NFATC1: variants seen among roughly 807,000 people sequenced by gnomAD.
The protein encoded by NFATC1 is nuclear factor of activated T cells 1, also known as nuclear factor of activated T-cells, cytoplasmic 1.
A neutral mutation model predicts 76.0 loss-of-function variants in NFATC1; 22 were observed. The ratio of observed to expected loss-of-function variants is 0.29; its 90% CI spans 0.21 to 0.41. The LOEUF (loss-of-function observed/expected upper bound fraction) is 0.41. NFATC1 is among the 10% of genes least tolerant of loss of function. The pLI is 1.00. For synonymous variants in NFATC1, 704 were observed against 613.1 expected, an observed-to-expected ratio of 1.15 and a Z score of -2.19; for missense variants, 1,357 against 1,337.7, an observed-to-expected ratio of 1.01 and a Z score of -0.23.
intron 9 of NFATC1, among the ~76,000 whole-genome samples, chr18:79,513,854 G>A (rs1311342600): frequency 5.9e-5 from 9 of 152,202 alleles, no homozygotes; most frequent in Non-Finnish European, 1.2e-4. Context: ...GCTGTGCCAT[G>A]TGCATGCCCA....
At chr18:79,437,371 C>CAAGCAG (rs1325719738) in intron 3 of NFATC1, among the ~76,000 whole-genome samples, 1 of 152,180 alleles carries the variant, frequency 6.6e-6, no homozygotes, top group Non-Finnish European at 1.5e-5. Context: ...CAGGGAGTGA[C>CAAGCAG]CAGCAGCGCA....
intron 9 of NFATC1, among the ~76,000 whole-genome samples, chr18:79,490,359 T>C (rs2089643043): frequency 6.9e-6 from 1 of 144,524 alleles, no homozygotes; most frequent in Non-Finnish European, 1.5e-5. Context: ...TGGGGTGGTC[T>C]CTGGTGCAGG....
rs1463483294 is a variant in NFATC1 at position 79,465,815 on chromosome 18, C to CG, written c.1960-1632dup. ...CCCGTACAAATGCCGAGACAGGCTCCGGGTGGCCAGAGCTTCCCGGGTCAG... is the reference window on the plus strand; with the variant it reads ...CCCGTACAAATGCCGAGACAGGCTCCGGGGTGGCCAGAGCTTCCCGGGTCAG... On this transcript the variant is annotated intron_variant, in intron 7 of 9. Coordinates refer to ENST00000427363, the MANE Select transcript of NFATC1 (RefSeq NM_001278669.2). The surrounding 1 kb of genome is among the most constrained non-coding windows in gnomAD (Gnocchi z 4.2). 6.6e-6 allele frequency among the ~76,000 whole-genome samples: 1 copy of CG among 152,230 alleles called. No homozygotes were observed. Among genetic ancestry groups the CG allele is most frequent in the Non-Finnish European group, 1.5e-5 (1 of 68,032 alleles).
intron 2 of NFATC1, among the ~76,000 whole-genome samples, chr18:79,426,808 C>T (rs866558957): frequency 1.6e-4 from 25 of 152,242 alleles, no homozygotes; most frequent in African/African-American, 6.0e-4. Flanking sequence ...CAATGCCCCA[C>T]CCGGCCCCCG....
At chr18:79,474,689 ACT>A (rs2088967893) in intron 8 of NFATC1, among the ~76,000 whole-genome samples, 24 of 139,784 alleles carry the variant, frequency 1.7e-4, no homozygotes, top group Non-Finnish European at 1.5e-5. Context: ...TCTCACACTC[ACT>A]GTCGACGTTG....
At chr18:79,425,261 G>GTT (rs1568945039) in intron 2 of NFATC1, among the ~76,000 whole-genome samples, 1 of 120,738 alleles carries the variant, frequency 8.3e-6, no homozygotes, top group Non-Finnish European at 1.7e-5. Context: ...TTCTCTCCCT[G>GTT]TCTCTGTCTC....
At position 79,475,298 on chromosome 18, in the gene NFATC1, C is replaced by T. The variant is rs181124719; in HGVS notation, c.2092+7716C>T. 8.5e-4 allele frequency among the ~76,000 whole-genome samples: 127 copies of T among 149,458 alleles called. 1 individual carries two copies. The South Asian group carries it at 0.024, about 29-fold the overall frequency. On this transcript the variant is annotated intron_variant, in intron 8 of 9. Coordinates refer to ENST00000427363, the MANE Select transcript of NFATC1 (RefSeq NM_001278669.2). Reference sequence around the variant, plus strand: ...AGCGTGTTCTCACGCTCACTGTCAACGTTGTAAACCTGAGGGAAGCGTGTT... The same window carrying T: ...AGCGTGTTCTCACGCTCACTGTCAATGTTGTAAACCTGAGGGAAGCGTGTT...
intron 1 of NFATC1, among the ~76,000 whole-genome samples, chr18:79,396,766 T>C (rs2085019475): frequency 6.6e-6 from 1 of 151,858 alleles, no homozygotes; most frequent in South Asian, 2.1e-4. Flanking sequence ...AGCCACCCTC[T>C]GGCGCCAAGA....
At chr18:79,420,660 G>C (rs1402247417) in intron 2 of NFATC1, among the ~76,000 whole-genome samples, 2 of 151,558 alleles carry the variant, frequency 1.3e-5, no homozygotes, top group Non-Finnish European at 2.9e-5. Context: ...TCGCTGCAGA[G>C]AGGAAGAGGG....
At chr18:79,526,083 TTCTC>T (rs2090754532) in intron 9 of NFATC1, among the ~76,000 whole-genome samples, 1 of 152,232 alleles carries the variant, frequency 6.6e-6, no homozygotes, top group East Asian at 1.9e-4. Flanking sequence ...AGAGCCGTCT[TTCTC>T]TCTGCGTTGT....
At chr18:79,415,111 G>A (rs1568932035) in intron 2 of NFATC1, among the ~76,000 whole-genome samples, 1 of 152,148 alleles carries the variant, frequency 6.6e-6, no homozygotes, top group Non-Finnish European at 1.5e-5. Context: ...ATCAGCCTCT[G>A]GAAAGTGTCC....
At chr18:79,406,329 A>G (rs758399044) in intron 1 of NFATC1, among the ~76,000 whole-genome samples, 2 of 152,156 alleles carry the variant, frequency 1.3e-5, no homozygotes, top group Non-Finnish European at 2.9e-5. Flanking sequence ...TGAGGTCTGG[A>G]CAGTGAGGGG....
Position 79,425,744 on chromosome 18 carries a change from C to T in NFATC1, c.1227-7835C>T, listed in dbSNP as rs140539241. The stretch of plus-strand genomic sequence containing the variant: ...TCTAAGGGAGAGGGACATGGCAGGG[C>T]CTCAGGCTCAGCTCTTTGGAAACTG... On this transcript the variant is annotated intron_variant, in intron 2 of 9. Transcript: ENST00000427363. Among the ~76,000 whole-genome samples, 1,229 of 152,282 alleles carry T rather than the reference C, an allele frequency of 8.1e-3. 8 individuals carry two copies. The highest frequency in any genetic ancestry group is 0.011 in the Non-Finnish European group (757 of 68,016).
chr18:79,469,043 A>AC (rs1397136335), intron 8 of NFATC1: 2 of 143,584 alleles, frequency 1.4e-5, no homozygotes, highest in Non-Finnish European at 2.9e-5. Flanking sequence ...ACGCTCTGGG[A>AC]CCCCCGGGAT....
At chr18:79,503,046 C>T (rs1438229176) in intron 9 of NFATC1, among the ~76,000 whole-genome samples, 2 of 152,218 alleles carry the variant, frequency 1.3e-5, no homozygotes, top group Admixed American at 6.5e-5. Context: ...GTTCTTTAGC[C>T]AAACATCTGA....
At chr18:79,478,887 G>A (rs2089177131) in intron 8 of NFATC1, among the ~76,000 whole-genome samples, 1 of 152,206 alleles carries the variant, frequency 6.6e-6, no homozygotes, top group Non-Finnish European at 1.5e-5. Flanking sequence ...TTCCACGGAG[G>A]ATGCAAGCGT....
At chr18:79,436,892 G>T (rs1295434051) in intron 3 of NFATC1, among the ~76,000 whole-genome samples, 1 of 152,146 alleles carries the variant, frequency 6.6e-6, no homozygotes, top group African/African-American at 2.4e-5. Context: ...GGATGTCATT[G>T]TTCCCACGCC....
At chr18:79,425,201 C>G (rs148673827) in intron 2 of NFATC1, among the ~76,000 whole-genome samples, 1,932 of 89,928 alleles carry the variant, frequency 0.021, 59 homozygotes, top group African/African-American at 0.032. Context: ...CTCTCTGTTT[C>G]TCTCCCTGTC....
chr18:79,463,990 C>G (rs1010174509), intron 7 of NFATC1, among the ~76,000 whole-genome samples: 1 of 152,248 alleles, frequency 6.6e-6, no homozygotes, highest in Non-Finnish European at 1.5e-5. Context: ...TTACTTTTGA[C>G]ACTGGCATAT....
Sources: gnomAD v4.1 joint callset for allele counts (sites outside exome capture counted in the v4.1 genomes callset) on GRCh38, gnomAD v4.1.1 for gene constraint, Gnocchi (gnomAD v3.1) non-coding constraint, MANE v1.5 for transcripts, NCBI Gene and HGNC (gene_info 2026-07-23, HGNC 2026-07-21) for gene names.